The following NPAS3 variants were observed in gnomAD, a reference collection of about 807,000 sequenced individuals.
NPAS3 encodes neuronal PAS domain-containing protein 3.
Under a neutral mutation model 73.1 loss-of-function variants are expected in NPAS3, and 14 were observed. The ratio of observed to expected loss-of-function variants is 0.19; its 90% CI spans 0.13 to 0.30. The LOEUF (loss-of-function observed/expected upper bound fraction) is 0.30, where lower values mean the gene tolerates loss of function less well. Among genes scored for constraint, NPAS3 ranks in the 10% least tolerant of loss-of-function variants. The pLI is 1.00. For missense variants in NPAS3, 1,096 were observed against 1,250.0 expected (o/e 0.88, Z 1.86); for synonymous variants, 620 against 541.5 (o/e 1.14, Z -2.01).
At chr14:32,951,838 TA>T (rs2036495447) in intron 1 of NPAS3, among the ~76,000 whole-genome samples, 1 of 152,074 alleles carries the variant, frequency 6.6e-6, no homozygotes, top group African/African-American at 2.4e-5. Context: ...ACCTTGTTTT[TA>T]AAAAGCACTT....
At chr14:33,799,950 G>A in exon 12 of NPAS3, 1 of 1,614,090 alleles carries the variant, frequency 6.2e-7, no homozygotes, top group South Asian at 1.1e-5. Context: ...GACGGCTTCG[G>A]TGCTCTGGGC....
At chr14:33,325,658 AG>A (rs1310181912) in intron 3 of NPAS3, among the ~76,000 whole-genome samples, 2 of 149,954 alleles carry the variant, frequency 1.3e-5, no homozygotes, top group Admixed American at 6.6e-5. Context: ...AAAAAAAAAA[AG>A]TACAGTTAAG....
At chr14:32,996,010 T>C (rs1393018265) in intron 1 of NPAS3, among the ~76,000 whole-genome samples, 1 of 152,164 alleles carries the variant, frequency 6.6e-6, no homozygotes, top group African/African-American at 2.4e-5. Flanking sequence ...ACTTGTTAAA[T>C]GGCTTTGATC....
chr14:33,612,997 G>C (rs1158876733), intron 5 of NPAS3, among the ~76,000 whole-genome samples: 2 of 152,188 alleles, frequency 1.3e-5, no homozygotes, highest in Non-Finnish European at 2.9e-5. Flanking sequence ...ATAGCTTGCT[G>C]TTTTTATGTG....
intron 3 of NPAS3, among the ~76,000 whole-genome samples, chr14:33,298,550 T>A (rs1327054701): frequency 6.6e-6 from 1 of 152,164 alleles, no homozygotes; most frequent in African/African-American, 2.4e-5. Context: ...TAAATCAATA[T>A]TTTCAGACCT....
chr14:33,716,476 A>G (rs535530213), intron 6 of NPAS3, among the ~76,000 whole-genome samples: 3 of 152,168 alleles, frequency 2.0e-5, no homozygotes, highest in Non-Finnish European at 4.4e-5. Flanking sequence ...TAAAATATAC[A>G]TGACATAAAA....
intron 4 of NPAS3, among the ~76,000 whole-genome samples, chr14:33,392,554 G>T (rs905858209): frequency 6.6e-6 from 1 of 152,272 alleles, no homozygotes; most frequent in Admixed American, 6.5e-5. Context: ...GTTCAAGTAG[G>T]AATTTATCAA....
At chr14:33,570,967 A>T (rs866707663) in intron 5 of NPAS3, among the ~76,000 whole-genome samples, 23 of 152,344 alleles carry the variant, frequency 1.5e-4, no homozygotes, top group South Asian at 2.1e-4. Flanking sequence ...GTAATAACTG[A>T]CTGCAACTGT....
intron 5 of NPAS3, among the ~76,000 whole-genome samples, chr14:33,621,160 A>C (rs1293597129): frequency 6.6e-6 from 1 of 152,136 alleles, no homozygotes; most frequent in Non-Finnish European, 1.5e-5. Flanking sequence ...ATTGAGATGG[A>C]TGTGGAACTC....
At chr14:33,597,871 A>G (rs771682949) in intron 5 of NPAS3, among the ~76,000 whole-genome samples, 21 of 152,240 alleles carry the variant, frequency 1.4e-4, no homozygotes, top group Non-Finnish European at 2.4e-4. Flanking sequence ...ATAATTACCT[A>G]TATACTGTCT....
At chr14:33,267,329 A>G (rs1357080107) in intron 3 of NPAS3, among the ~76,000 whole-genome samples, 2 of 152,190 alleles carry the variant, frequency 1.3e-5, no homozygotes, top group Non-Finnish European at 2.9e-5. Context: ...TTAAGTGAAT[A>G]TATACAGATA....
intron 3 of NPAS3, among the ~76,000 whole-genome samples, chr14:33,363,220 A>T (rs2045687038): frequency 6.6e-6 from 1 of 152,176 alleles, no homozygotes; most frequent in African/African-American, 2.4e-5. Flanking sequence ...CTGGTTAGGA[A>T]TATGACTGGG....
At chr14:33,755,023 G>C (rs2062072622) in intron 7 of NPAS3, among the ~76,000 whole-genome samples, 3 of 152,180 alleles carry the variant, frequency 2.0e-5, no homozygotes, top group South Asian at 2.1e-4. Context: ...AGGATGCAGA[G>C]CCCTGGCCTT....
chr14:33,175,733 C>T (rs1463929293), intron 2 of NPAS3, among the ~76,000 whole-genome samples: 1 of 151,944 alleles, frequency 6.6e-6, no homozygotes, highest in Non-Finnish European at 1.5e-5. Flanking sequence ...ATACAACATC[C>T]CAATGGGATG....
intron 4 of NPAS3, among the ~76,000 whole-genome samples, chr14:33,490,996 G>A (rs568384070): frequency 7.2e-5 from 11 of 152,252 alleles, no homozygotes; most frequent in Admixed American, 3.3e-4. Flanking sequence ...CAACAGCAAC[G>A]GCAGCATCTC....
At chr14:33,189,954 A>G (rs2046111627) in intron 2 of NPAS3, among the ~76,000 whole-genome samples, 1 of 152,142 alleles carries the variant, frequency 6.6e-6, no homozygotes, top group Admixed American at 6.5e-5. Context: ...TCTTCTCACA[A>G]TCGGATGAGG....
chr14:33,006,215 G>A (rs2038998411), intron 1 of NPAS3, among the ~76,000 whole-genome samples: 1 of 152,168 alleles, frequency 6.6e-6, no homozygotes, highest in African/African-American at 2.4e-5. Flanking sequence ...CACTAGAGGA[G>A]GCAAAGCTGA....
chr14:33,388,707 G>A (rs906873128), intron 4 of NPAS3, among the ~76,000 whole-genome samples: 3 of 152,066 alleles, frequency 2.0e-5, no homozygotes, highest in African/African-American at 7.2e-5. Flanking sequence ...TCCAGATTGG[G>A]AAACTAAAAC....
rs1331806174 is a variant in NPAS3 at position 33,311,352 on chromosome 14, A to G, written c.386-55834A>G. ...CAATCAAAGGCCTTATTCATAAAAG[A>G]ATACATTTTATGTGTAAGTTTCCTC... On this transcript the variant is annotated intron_variant, in intron 3 of 11. Transcript: ENST00000356141. Among the ~76,000 whole-genome samples the G allele has an allele frequency of 4.6e-5, 7 of 152,302 alleles. No individual in the cohort carries two copies. The East Asian group carries it at 1.4e-3, about 29-fold the overall frequency.
Sources: gnomAD v4.1 joint callset for allele counts (sites outside exome capture counted in the v4.1 genomes callset) on GRCh38, gnomAD v4.1.1 for gene constraint, MANE v1.5 for transcripts, NCBI Gene and HGNC (gene_info 2026-07-23, HGNC 2026-07-21) for gene names.